Variants in FOXP2 observed in about 807,000 individuals in gnomAD.
The protein encoded by FOXP2 is forkhead box protein P2.
FOXP2 carries 12 observed loss-of-function variants against 115.8 expected under a neutral mutation model. The ratio of observed to expected loss-of-function variants is 0.10; its 90% confidence interval spans 0.07 to 0.17. The LOEUF (loss-of-function observed/expected upper bound fraction) is 0.17. Among genes scored for constraint, FOXP2 ranks in the 10% least tolerant of loss-of-function variants. The probability of loss-of-function intolerance (pLI) is 1.00; values close to 1 mark genes in which losing one functional copy is unlikely to be tolerated. For synonymous variants in FOXP2, 328 were observed against 297.7 expected (o/e 1.10, Z -1.05); for missense variants, 629 against 843.5 (o/e 0.75, Z 3.15).
At position 114,692,537 on chromosome 7, in the gene FOXP2, T is replaced by C; in HGVS notation, c.*2611T>C. On this transcript the variant is annotated 3_prime_UTR_variant, in exon 17 of 17. Transcript: ENST00000350908. ...ACTTTTTCTAAGAAAAATGTTGCTT[T>C]AATGCATTTCATGAATTTTTACTCT... 2.2e-6 allele frequency: 1 copy of C among 454,030 alleles called. No individual in the cohort carries two copies. Among genetic ancestry groups the C allele is most frequent in the South Asian group, 1.6e-5 (1 of 64,260 alleles). The allele number at this position is 454,030 out of a possible 1,614,324, so 28.1% of individuals were successfully genotyped here.
chr7:114,613,173 T>G (rs894511117), intron 3 of FOXP2, among the ~76,000 whole-genome samples: 4 of 152,174 alleles, frequency 2.6e-5, no homozygotes, highest in Non-Finnish European at 4.4e-5. Flanking sequence ...CATTTAGAAT[T>G]TTTTTAATTA....
chr7:114,145,470 T>TCTTTTCTTTTCTTTTCTTTC (rs1792343965), intron 1 of FOXP2, among the ~76,000 whole-genome samples: 1 of 144,596 alleles, frequency 6.9e-6, no homozygotes, highest in African/African-American at 2.7e-5. Context: ...TCTTTTCTTT[T>TCTTTTCTTTTCTTTTCTTTC]CTTTTCTTTT....
At chr7:114,230,103 A>C (rs2129165679) in intron 1 of FOXP2, among the ~76,000 whole-genome samples, 1 of 152,046 alleles carries the variant, frequency 6.6e-6, no homozygotes, top group African/African-American at 2.4e-5. Context: ...GAACAATTAT[A>C]CACCATCATA....
chr7:114,251,433 G>A (rs1795439428), intron 1 of FOXP2, among the ~76,000 whole-genome samples: 1 of 152,164 alleles, frequency 6.6e-6, no homozygotes, highest in Non-Finnish European at 1.5e-5. Context: ...CCATGAACAT[G>A]GAATGTTCTT....
intron 2 of FOXP2, among the ~76,000 whole-genome samples, chr7:114,457,643 A>G (rs570419653): frequency 6.6e-6 from 1 of 152,320 alleles, no homozygotes; most frequent in South Asian, 2.1e-4. Flanking sequence ...TCACGCCTGT[A>G]ATCCCAGCAC....
At chr7:114,435,994 C>A (rs1405000956) in intron 2 of FOXP2, among the ~76,000 whole-genome samples, 2 of 152,028 alleles carry the variant, frequency 1.3e-5, no homozygotes, top group Non-Finnish European at 2.9e-5. Context: ...GAAATTAATT[C>A]AAGGTGCAAA....
At chr7:114,361,959 T>C (rs1250228570) in intron 2 of FOXP2, among the ~76,000 whole-genome samples, 1 of 151,974 alleles carries the variant, frequency 6.6e-6, no homozygotes, top group Admixed American at 6.6e-5. Flanking sequence ...GAACAATGCC[T>C]AAAGATCTGA....
At chr7:114,424,297 C>T (rs1793743053) in intron 1 of FOXP2, among the ~76,000 whole-genome samples, 1 of 151,348 alleles carries the variant, frequency 6.6e-6, no homozygotes, top group African/African-American at 2.4e-5. Context: ...AATGCTGCAC[C>T]TGTCTGCTAC....
chr7:114,228,120 A>G (rs1794787315), intron 1 of FOXP2, among the ~76,000 whole-genome samples: 2 of 152,066 alleles, frequency 1.3e-5, no homozygotes, highest in South Asian at 4.1e-4. Flanking sequence ...AGATCAAACC[A>G]TGTGGTACAA....
Position 114,252,290 on chromosome 7 carries a change from G to A in FOXP2, c.-101-35729G>A, listed in dbSNP as rs140586923. Among the ~76,000 whole-genome samples the A allele has an allele frequency of 2.8e-3, 420 of 152,266 alleles. 2 individuals carry two copies. Among genetic ancestry groups the A allele is most frequent in the African/African-American group, 9.3e-3 (386 of 41,560 alleles). ...TGTGTCTGCCAGGCTTTGGTATCAG[G>A]ATGATGCTTGCCTCATAAAATGACT... On this transcript the variant is annotated intron_variant, in intron 1 of 17. Coordinates refer to the FOXP2 transcript ENST00000634411.
intron 2 of FOXP2, among the ~76,000 whole-genome samples, chr7:114,329,786 C>T (rs1262252625): frequency 1.3e-5 from 2 of 151,974 alleles, no homozygotes; most frequent in African/African-American, 2.4e-5. Context: ...AAGCAGTTCT[C>T]CTGCCTCAGC....
chr7:114,189,520 A>G (rs1338341775), intron 1 of FOXP2, among the ~76,000 whole-genome samples: 1 of 152,154 alleles, frequency 6.6e-6, no homozygotes, highest in African/African-American at 2.4e-5. Context: ...AGAGTTGGAG[A>G]AAGACTTGGA....
At chr7:114,613,873 G>A (rs1330705292) in intron 3 of FOXP2, 1 of 151,958 alleles carries the variant, frequency 6.6e-6, no homozygotes, top group Non-Finnish European at 1.5e-5. Flanking sequence ...GATCAGATAA[G>A]ATTGAGTGCA....
At chr7:114,276,764 T>A (rs1447974334) in intron 1 of FOXP2, among the ~76,000 whole-genome samples, 2 of 152,154 alleles carry the variant, frequency 1.3e-5, no homozygotes, top group Non-Finnish European at 2.9e-5. Context: ...CATCCTGACC[T>A]CTCTTACAGA....
intron 2 of FOXP2, among the ~76,000 whole-genome samples, chr7:114,452,704 A>G (rs1319641559): frequency 6.6e-6 from 1 of 152,110 alleles, no homozygotes; most frequent in Admixed American, 6.6e-5. Flanking sequence ...GGTGTGCAGC[A>G]TCAAGATGTT....
chr7:114,505,511 A>G (rs996605310), intron 2 of FOXP2, among the ~76,000 whole-genome samples: 3 of 151,332 alleles, frequency 2.0e-5, no homozygotes, highest in African/African-American at 7.3e-5. Flanking sequence ...AATTTTATAA[A>G]TTATTTCAGT....
chr7:114,633,412 A>G (rs551675486), intron 6 of FOXP2, among the ~76,000 whole-genome samples: 2 of 152,306 alleles, frequency 1.3e-5, no homozygotes, highest in African/African-American at 4.8e-5. Context: ...TGAGAGATAA[A>G]ATGAGAAAAT....
intron 2 of FOXP2, among the ~76,000 whole-genome samples, chr7:114,490,374 GGAGATGTAAAAAGATCA>G (rs1335969899): frequency 2.0e-5 from 3 of 152,080 alleles, no homozygotes; most frequent in African/African-American, 7.2e-5. Context: ...GCAAAACTAT[GGAGATGTAAAAAGATCA>G]GTGATTGTCA....
Position 114,115,746 on chromosome 7 carries a change from G to T in FOXP2, c.-247+27908G>T, listed in dbSNP as rs1444529808. Among the ~76,000 whole-genome samples the T allele has an allele frequency of 2.0e-5, 3 of 152,118 alleles. No homozygotes were observed. The East Asian group carries it at 5.8e-4, about 29-fold the overall frequency. On this transcript the variant is annotated intron_variant, in intron 1 of 19. Coordinates refer to the FOXP2 transcript ENST00000635638. ...AAGTTCATAATGACACATTCATCAT[G>T]GCAGGAGCTGATTAACGTTTACCTG...
Sources: allele counts gnomAD v4.1 joint callset (sites outside exome capture counted in the v4.1 genomes callset), GRCh38; gene constraint gnomAD v4.1.1; transcripts MANE v1.5; gene names NCBI Gene and HGNC (gene_info 2026-07-23, HGNC 2026-07-21).